ITGB5: variants seen among roughly 807,000 people sequenced by gnomAD.
The protein encoded by ITGB5 is integrin beta-5.
In ITGB5, 38 loss-of-function variants were observed where a neutral mutation model predicts 84.8. The observed-to-expected ratio is 0.45, with a 90% CI of 0.35 to 0.59. The LOEUF (loss-of-function observed/expected upper bound fraction) is 0.59, where lower values mean the gene tolerates loss of function less well. Ranked by LOEUF, ITGB5 falls within the 20% of genes least tolerant of loss-of-function variation. The probability of loss-of-function intolerance (pLI) is 0.01; values close to 1 mark genes in which losing one functional copy is unlikely to be tolerated. For synonymous variants in ITGB5, 393 were observed against 414.4 expected (o/e 0.95, Z 0.63); for missense variants, 905 against 1,034.5 (o/e 0.87, Z 1.72).
intron 10 of ITGB5, chr3:124,791,082 G>A (rs999142283): frequency 2.6e-5 from 4 of 152,118 alleles, no homozygotes; most frequent in African/African-American, 4.8e-5. Flanking sequence ...AAAATGCACC[G>A]TTTGGACACA....
chr3:124,810,446 G>C (rs2107539416), intron 8 of ITGB5, among the ~76,000 whole-genome samples: 2 of 152,190 alleles, frequency 1.3e-5, no homozygotes, highest in East Asian at 3.9e-4. Context: ...CTATACGTCT[G>C]TTAGTTTAAA....
intron 10 of ITGB5, among the ~76,000 whole-genome samples, chr3:124,774,477 G>A (rs892073941): frequency 6.6e-6 from 1 of 152,084 alleles, no homozygotes; most frequent in African/African-American, 2.4e-5. Context: ...GATGCCAAGA[G>A]CCAAGGAATG....
At chr3:124,874,306 G>GAAAAAAAAAAAAAAAAAAAGAA (rs1934200281) in intron 1 of ITGB5, among the ~76,000 whole-genome samples, 1 of 113,392 alleles carries the variant, frequency 8.8e-6, no homozygotes. Flanking sequence ...TCAAAAGCCG[G>GAAAAAAAAAAAAAAAAAAAGAA]AAAAAAAAAA....
upstream of ITGB5, among the ~76,000 whole-genome samples, chr3:124,888,641 G>A (rs1352975514): frequency 2.0e-5 from 3 of 152,214 alleles, no homozygotes; most frequent in Non-Finnish European, 4.4e-5. Context: ...ATCCAGTTGA[G>A]GAACCGAGGG....
intron 2 of ITGB5, among the ~76,000 whole-genome samples, chr3:124,865,142 T>C (rs561036185): frequency 2.0e-5 from 3 of 152,326 alleles, no homozygotes; most frequent in African/African-American, 7.2e-5. Flanking sequence ...AATTCAGAGA[T>C]CTGTTACCTA....
intron 7 of ITGB5, among the ~76,000 whole-genome samples, chr3:124,817,984 C>A (rs1055742843): frequency 8.5e-5 from 13 of 152,146 alleles, no homozygotes; most frequent in African/African-American, 3.1e-4. Flanking sequence ...TCTTGAGACC[C>A]CGCCCCTCCC....
intron 9 of ITGB5, among the ~76,000 whole-genome samples, chr3:124,798,071 T>TTTTTTTTTTTTTTG (rs2064259522): frequency 6.7e-6 from 1 of 149,082 alleles, no homozygotes; most frequent in Non-Finnish European, 1.5e-5. Flanking sequence ...TTTTTTTTTT[T>TTTTTTTTTTTTTTG]GAGGTGGAGT....
chr3:124,899,817 G>A lies in ITGB5; in HGVS notation c.-255+1449C>T, dbSNP rs543473890. On this transcript the variant is annotated intron_variant, in intron 1 of 4. Coordinates refer to the ITGB5 transcript ENST00000608657. The stretch of plus-strand genomic sequence containing the variant: ...TGCAGTGAGCCATGATCATGCCACT[G>A]CACTCCAGCCTCGCCAGCATAGCAA... Among the ~76,000 whole-genome samples the A allele has an allele frequency of 2.7e-3, 303 of 113,280 alleles. 2 individuals are homozygous for A. The highest frequency in any genetic ancestry group is 3.8e-3 in the Admixed American group (27 of 7,198). The allele number at this position is 113,280 out of a possible 152,430, so 74.3% of individuals were successfully genotyped here.
At chr3:124,859,513 G>A (rs1040772183) in intron 2 of ITGB5, 67 bp from the exon 3 acceptor site, 38 of 1,258,216 alleles carry the variant, frequency 3.0e-5, no homozygotes, top group Middle Eastern at 2.0e-4. Flanking sequence ...ATCGCATGTC[G>A]TGGCTGCGTC....
intron 9 of ITGB5, among the ~76,000 whole-genome samples, chr3:124,807,156 C>G (rs1167109051): frequency 6.6e-6 from 1 of 152,188 alleles, no homozygotes; most frequent in Non-Finnish European, 1.5e-5. Context: ...TGGCTCACAC[C>G]TATAATGCCA....
At chr3:124,820,507 C>CT (rs1352319148) in intron 6 of ITGB5, among the ~76,000 whole-genome samples, 2 of 152,098 alleles carry the variant, frequency 1.3e-5, no homozygotes, top group Non-Finnish European at 2.9e-5. Context: ...AGTTATAGTC[C>CT]TTTTTTCAGA....
At chr3:124,819,383 C>T (rs1032326556) in intron 7 of ITGB5, among the ~76,000 whole-genome samples, 4 of 152,188 alleles carry the variant, frequency 2.6e-5, no homozygotes, top group South Asian at 2.1e-4. Context: ...AGATTAGTGA[C>T]GTAGCCTGAT....
intron 5 of ITGB5, among the ~76,000 whole-genome samples, chr3:124,837,646 A>G (rs944179609): frequency 2.6e-5 from 4 of 151,270 alleles, no homozygotes; most frequent in African/African-American, 9.8e-5. Context: ...TGCAAAGAAC[A>G]TCTTTCAAGA....
chr3:124,807,657 T>C (rs1401996687), intron 9 of ITGB5, among the ~76,000 whole-genome samples: 1 of 151,772 alleles, frequency 6.6e-6, no homozygotes, highest in Non-Finnish European at 1.5e-5. Flanking sequence ...GTAAGAGGTA[T>C]GTCTGTGGCT....
At chr3:124,877,795 T>C (rs1438947321) in intron 1 of ITGB5, among the ~76,000 whole-genome samples, 1 of 152,002 alleles carries the variant, frequency 6.6e-6, no homozygotes, top group Admixed American at 6.6e-5. Flanking sequence ...AGCCCCTTTA[T>C]CAGAAAGGAA....
chr3:124,828,899 A>G (rs1404167888), intron 5 of ITGB5, among the ~76,000 whole-genome samples: 1 of 152,230 alleles, frequency 6.6e-6, no homozygotes, highest in African/African-American at 2.4e-5. Flanking sequence ...GTGATCTTAG[A>G]CAACTTACTT....
At chr3:124,887,541 G>A, upstream of ITGB5, 2 of 257,452 alleles carry the variant, frequency 7.8e-6, no homozygotes, top group South Asian at 6.5e-5. Context: ...GCCCTGTGCG[G>A]GGACCGGCCC....
chr3:124,817,163 C>G (rs965665938), intron 8 of ITGB5, among the ~76,000 whole-genome samples: 11 of 152,252 alleles, frequency 7.2e-5, no homozygotes, highest in African/African-American at 2.7e-4. Context: ...GATTCCCGCC[C>G]TGCCACTGTG....
At chr3:124,895,317 T>C (rs62267665) in intron 1 of ITGB5, among the ~76,000 whole-genome samples, 34,141 of 152,128 alleles carry the variant, frequency 0.22, 3,978 homozygotes, top group South Asian at 0.27. Flanking sequence ...GCCTCAACCT[T>C]GTGGGCTCCG....
Sources: gnomAD v4.1 joint callset for allele counts (sites outside exome capture counted in the v4.1 genomes callset) on GRCh38, gnomAD v4.1.1 for gene constraint, MANE v1.5 for transcripts, NCBI Gene and HGNC (gene_info 2026-07-23, HGNC 2026-07-21) for gene names.